Variants in GNAS-AS1 observed in about 807,000 individuals in gnomAD.
GNAS-AS1 encodes the protein GNAS antisense RNA 1 (non-protein coding).
At chr20:58,842,173 G>A in exon 4 of GNAS-AS1, 1 of 398,638 alleles carries the variant, frequency 2.5e-6, no homozygotes, top group South Asian at 1.3e-4. Context: ...GCAGCAATCT[G>A]GTAACGCACC....
At chr20:58,848,810 C>T (rs1212792419) in intron 2 of GNAS-AS1, 3 of 398,214 alleles carry the variant, frequency 7.5e-6, no homozygotes, top group East Asian at 3.6e-5. Context: ...GTCAACTCCT[C>T]GAACATTTGG....
rs1314568087 is a variant in GNAS-AS1 at position 58,844,353 on chromosome 20, C to T, written n.414-1808G>A. On this transcript the variant is annotated intron_variant and non_coding_transcript_variant, in intron 2 of 4. Transcript: ENST00000424094. Reference sequence around the variant, plus strand: ...AATCACCCAGCAGAGGGATGAGATGCTCAAATGACATCTTTAATCCCCATG... The same window carrying T: ...AATCACCCAGCAGAGGGATGAGATGTTCAAATGACATCTTTAATCCCCATG... Among the ~76,000 whole-genome samples the T allele has an allele frequency of 5.3e-5, 8 of 152,196 alleles. No individual in the cohort carries two copies. In the South Asian group the frequency reaches 1.0e-3, roughly 20 times the overall value.
rs769315068 is a variant in GNAS-AS1, at chr20:58,841,489, C to T, written n.819+448G>A. 9.1e-6 allele frequency: 9 copies of T among 991,438 alleles called. No individual in the cohort carries two copies. The highest frequency in any genetic ancestry group is 1.1e-5 in the Non-Finnish European group (9 of 834,180). 61.4% of individuals were successfully genotyped at this position (991,438 alleles called of 1,614,324 possible). A position where few individuals can be genotyped will look rare whatever the true frequency, so the allele number is the denominator to read the frequency against. The stretch of plus-strand genomic sequence containing the variant: ...CAGAGCCGGAGCCCAGGTCCCAGAG[C>T]TGACAATTAAGCCGCGGGACCTCCG... On this transcript the variant is annotated intron_variant and non_coding_transcript_variant, in intron 4 of 4. Coordinates refer to ENST00000424094, the Ensembl canonical transcript of GNAS-AS1. This position sits in a 1 kb window ranked among gnomAD's most constrained non-coding sequence, Gnocchi z 5.0.
intron 4 of GNAS-AS1, among the ~76,000 whole-genome samples, chr20:58,828,781 C>A (rs1416810833): frequency 6.6e-6 from 1 of 152,232 alleles, no homozygotes; most frequent in African/African-American, 2.4e-5. Flanking sequence ...CCTAAAGGCA[C>A]CTTGTTCTCA....
At chr20:58,819,903 G>A (rs940189783) in intron 4 of GNAS-AS1, among the ~76,000 whole-genome samples, 12 of 152,198 alleles carry the variant, frequency 7.9e-5, no homozygotes, top group Non-Finnish European at 1.3e-4. Context: ...GCTGGGACCC[G>A]GACTCAGGTC....
At chr20:58,822,754 C>G (rs2085494754) in intron 4 of GNAS-AS1, among the ~76,000 whole-genome samples, 1 of 151,920 alleles carries the variant, frequency 6.6e-6, no homozygotes, top group Admixed American at 6.6e-5. Context: ...TCCCTGAAGT[C>G]AGGAAACTGC....
At chr20:58,820,570 G>C (rs1366792917) in intron 4 of GNAS-AS1, among the ~76,000 whole-genome samples, 2 of 152,236 alleles carry the variant, frequency 1.3e-5, no homozygotes, top group African/African-American at 2.4e-5. Context: ...GATGGACCCT[G>C]TATTAGTCCG....
rs547626672 is a variant in GNAS-AS1 at position 58,823,122 on chromosome 20, C to T, written n.820-3867G>A. 2.6e-5 allele frequency among the ~76,000 whole-genome samples: 4 copies of T among 152,338 alleles called. No individual in the cohort carries two copies. The South Asian group carries it at 8.3e-4, about 32-fold the overall frequency. On this transcript the variant is annotated intron_variant and non_coding_transcript_variant, in intron 4 of 4. Coordinates refer to ENST00000424094, the Ensembl canonical transcript of GNAS-AS1. ...CTGGCCATATCTAGCCACGGCAATG[C>T]AGTGGCCTCCAAATCCCCCTGCCCC...
At chr20:58,833,325 A>C (rs1396743000) in intron 4 of GNAS-AS1, among the ~76,000 whole-genome samples, 1 of 152,104 alleles carries the variant, frequency 6.6e-6, no homozygotes, top group Non-Finnish European at 1.5e-5. Flanking sequence ...AAAGGGAAGG[A>C]CTCCCAATTT....
At chr20:58,839,260 G>T (rs2085642957) in intron 4 of GNAS-AS1, 1 of 398,498 alleles carries the variant, frequency 2.5e-6, no homozygotes, top group Non-Finnish European at 4.4e-6. Flanking sequence ...CACTATAACA[G>T]ATCTGCTAAA....
chr20:58,846,459 A>G (rs75789261), intron 2 of GNAS-AS1, among the ~76,000 whole-genome samples: 2,784 of 152,354 alleles, frequency 0.018, 80 homozygotes, highest in African/African-American at 0.064. Context: ...TGGTCCAAAA[A>G]TTCCAATTTC....
chr20:58,844,664 C>T (rs1187569915), intron 2 of GNAS-AS1, among the ~76,000 whole-genome samples: 1 of 139,854 alleles, frequency 7.2e-6, no homozygotes, highest in Non-Finnish European at 1.5e-5. Context: ...TGGGGTTGTC[C>T]AATTTGACTC....
chr20:58,848,442 C>T (rs1184558158), intron 2 of GNAS-AS1, among the ~76,000 whole-genome samples: 2 of 152,222 alleles, frequency 1.3e-5, no homozygotes, highest in Non-Finnish European at 2.9e-5. Flanking sequence ...ACTTTCCTTC[C>T]TCAGTCCTAT....
intron 2 of GNAS-AS1, among the ~76,000 whole-genome samples, chr20:58,844,459 C>A (rs2085864148): frequency 6.6e-6 from 1 of 152,178 alleles, no homozygotes; most frequent in Admixed American, 6.5e-5. Flanking sequence ...CTTGATGTCC[C>A]AAACTGGAGC....
At position 58,841,337 on chromosome 20, in the gene GNAS-AS1, G is replaced by A; in HGVS notation, n.819+600C>T. ...AGGTGCGCGCGCCAACTTTCACGAT[G>A]TGAGAGCAGCCGCGCTGTAGAGACA... On this transcript the variant is annotated intron_variant and non_coding_transcript_variant, in intron 4 of 4. Coordinates refer to ENST00000424094, the Ensembl canonical transcript of GNAS-AS1. This position sits in a 1 kb window ranked among gnomAD's most constrained non-coding sequence, Gnocchi z 5.0. 1.9e-6 allele frequency: 2 copies of A among 1,059,500 alleles called. No individual in the cohort carries two copies. Among genetic ancestry groups the A allele is most frequent in the Non-Finnish European group, 1.1e-6 (1 of 875,796 alleles). The allele number at this position is 1,059,500 out of a possible 1,614,324, so 65.6% of individuals were successfully genotyped here. A position where few individuals can be genotyped will look rare whatever the true frequency, so the allele number is the denominator to read the frequency against.
intron 4 of GNAS-AS1, among the ~76,000 whole-genome samples, chr20:58,819,902 C>T (rs1244682488): frequency 2.0e-5 from 3 of 152,218 alleles, no homozygotes; most frequent in Non-Finnish European, 2.9e-5. Flanking sequence ...AGCTGGGACC[C>T]GGACTCAGGT....
chr20:58,830,235 A>C (rs1192144453), intron 4 of GNAS-AS1, among the ~76,000 whole-genome samples: 32 of 91,256 alleles, frequency 3.5e-4, no homozygotes, highest in African/African-American at 4.1e-4. Flanking sequence ...CCATCACCAC[A>C]ATCACCACCA....
At chr20:58,833,467 T>C (rs577013519) in intron 4 of GNAS-AS1, among the ~76,000 whole-genome samples, 69 of 152,228 alleles carry the variant, frequency 4.5e-4, no homozygotes, top group Non-Finnish European at 9.1e-4. Flanking sequence ...TATTTTATCA[T>C]GCACAATGTA....
In GNAS-AS1 at chr20:58,848,597, C is replaced by A. The variant is rs982959428; in HGVS notation, n.413+282G>T. Among the ~76,000 whole-genome samples, 50 of 152,218 alleles carry A rather than the reference C, an allele frequency of 3.3e-4. 1 individual carries two copies. The highest frequency in any genetic ancestry group is 1.5e-5 in the Non-Finnish European group (1 of 68,044). On this transcript the variant is annotated intron_variant and non_coding_transcript_variant, in intron 2 of 4. Coordinates refer to ENST00000424094, the Ensembl canonical transcript of GNAS-AS1. ...CCCAGACGATGCTGCCCACTAACAT[C>A]CAGCACTGGCCATCTCCCTCCAGAT... is the stretch of plus-strand genomic sequence containing the variant.
Sources: gnomAD v4.1 joint callset for allele counts (sites outside exome capture counted in the v4.1 genomes callset) on GRCh38, gnomAD v4.1.1 for gene constraint, Gnocchi (gnomAD v3.1) non-coding constraint, MANE v1.5 for transcripts, NCBI Gene and HGNC (gene_info 2026-07-23, HGNC 2026-07-21) for gene names.